The following IL17A variants were observed in gnomAD, a reference collection of about 807,000 sequenced individuals.
The protein encoded by IL17A is interleukin-17A.
A neutral mutation model predicts 7.2 loss-of-function variants in IL17A; 1 was observed. The observed-to-expected ratio is 0.14, with a 90% confidence interval of 0.05 to 0.66. The LOEUF is 0.66. Ranked by LOEUF, IL17A falls within the 30% of genes least tolerant of loss-of-function variation. The pLI, the probability that IL17A is intolerant of heterozygous loss-of-function variation, is 0.84. For missense variants in IL17A, 191 were observed against 197.1 expected, an observed-to-expected ratio of 0.97 and a Z score of 0.18; for synonymous variants, 90 against 77.7, an observed-to-expected ratio of 1.16 and a Z score of -0.83.
chr6:52,189,250 G>A lies in IL17A; in HGVS notation c.426G>A (p.Val142=), dbSNP rs367966439. The change falls in exon 3 of 3, where the codon GTG becomes GTA. Residue 142 remains valine, a synonymous_variant. Transcript: ENST00000648244. ...GGCTGGAGAAGATACTGGTGTCCGTGGGCTGCACCTGTGTCACCCCGATTG... is the reference window on the plus strand; with the variant it reads ...GGCTGGAGAAGATACTGGTGTCCGTAGGCTGCACCTGTGTCACCCCGATTG... ...SFRLEKILVS[V]GCTCVTPIVH... 35 of 1,613,942 alleles carry A rather than the reference G, an allele frequency of 2.2e-5. No homozygotes were observed. The highest frequency in any genetic ancestry group is 2.9e-5 in the Non-Finnish European group (34 of 1,179,980).
In IL17A at chr6:52,187,594, C is replaced by T; in HGVS notation, c.28-9C>T. 1 of 1,609,660 alleles carries T rather than the reference C, an allele frequency of 6.2e-7. No individual in the cohort carries two copies. The highest frequency in any genetic ancestry group is 2.2e-5 in the East Asian group (1 of 44,872). On this transcript the variant is annotated splice_polypyrimidine_tract_variant and intron_variant, in intron 1 of 2. Transcript: ENST00000648244. ...TCCAACCTCTCTCTCCTTTCCCATT[C>T]AATTCTAGTCACTGCTACTGCTGCT...
chr6:52,188,582 C>G (rs557821756), intron 2 of IL17A, among the ~76,000 whole-genome samples: 2 of 152,228 alleles, frequency 1.3e-5, no homozygotes, highest in South Asian at 2.1e-4. Flanking sequence ...GTTTCCAGCC[C>G]TTTATCTCAG....
Position 52,190,243 on chromosome 6 carries a change from A to G in IL17A, c.*951A>G, listed in dbSNP as rs1418066749. ...ATTAGCCAATGCTGTAGACAGAAGC[A>G]TTTTGATAGGAATAGAGCAAATAAG... On this transcript the variant is annotated 3_prime_UTR_variant, in exon 3 of 3. Transcript: ENST00000648244. 6 of 152,242 alleles carry G rather than the reference A, an allele frequency of 3.9e-5. No individual in the cohort carries two copies. The highest frequency in any genetic ancestry group is 5.9e-5 in the Non-Finnish European group (4 of 68,044). The allele number at this position is 152,242 out of a possible 1,614,324, so 9.4% of individuals were successfully genotyped here.
intron 1 of IL17A, 146 bp downstream of exon 1, chr6:52,186,604 T>C (rs1250684640): frequency 2.9e-6 from 2 of 694,932 alleles, no homozygotes; most frequent in Non-Finnish European, 4.8e-6. Context: ...TGGTAGGTAT[T>C]TAAGTCATTG....
At chr6:52,187,542 C>A in intron 1 of IL17A, 61 bp from the exon 2 acceptor site, 1 of 1,328,248 alleles carries the variant, frequency 7.5e-7, no homozygotes, top group Non-Finnish European at 1.1e-6. Context: ...ATTAATTTGT[C>A]AAAAAGAACC....
At chr6:52,187,452 C>T in intron 1 of IL17A, 151 bp from the exon 2 acceptor site, 1 of 718,520 alleles carries the variant, frequency 1.4e-6, no homozygotes, top group Non-Finnish European at 2.4e-6. Context: ...AGATTTTTCT[C>T]TAGCTGATCT....
Position 52,189,426 on chromosome 6 carries a change from A to T in IL17A, c.*134A>T. Reference sequence around the variant, plus strand: ...TTAGAGTTCTTAAGGCAGTTTGTCCAATTAAAGCTTCAGAGGTAACACTTG... The same window carrying T: ...TTAGAGTTCTTAAGGCAGTTTGTCCTATTAAAGCTTCAGAGGTAACACTTG... On this transcript the variant is annotated 3_prime_UTR_variant, in exon 3 of 3. Coordinates refer to ENST00000648244, the MANE Select transcript of IL17A (RefSeq NM_002190.3). 3.2e-6 allele frequency: 2 copies of T among 630,866 alleles called. No homozygotes were observed. Among genetic ancestry groups the T allele is most frequent in the Non-Finnish European group, 5.5e-6 (2 of 366,346 alleles). The allele number at this position is 630,866 out of a possible 1,614,324, so 39.1% of individuals were successfully genotyped here.
At position 52,190,227 on chromosome 6, in the gene IL17A, T is replaced by G. The variant is rs1176515620; in HGVS notation, c.*935T>G. 6.6e-6 allele frequency: 1 copy of G among 152,180 alleles called. No individual in the cohort carries two copies. The highest frequency in any genetic ancestry group is 1.5e-5 in the Non-Finnish European group (1 of 68,036). The allele number at this position is 152,180 out of a possible 1,614,324, so 9.4% of individuals were successfully genotyped here. ...CTAAGGTTTTCATACTATTAGCCAA[T>G]GCTGTAGACAGAAGCATTTTGATAG... On this transcript the variant is annotated 3_prime_UTR_variant, in exon 3 of 3. Coordinates refer to ENST00000648244, the MANE Select transcript of IL17A (RefSeq NM_002190.3).
chr6:52,189,459 T>G lies in IL17A; in HGVS notation c.*167T>G. 1 of 557,864 alleles carries G rather than the reference T, an allele frequency of 1.8e-6. No homozygotes were observed. The highest frequency in any genetic ancestry group is 3.3e-5 in the Admixed American group (1 of 30,082). 34.6% of individuals were successfully genotyped at this position (557,864 alleles called of 1,614,324 possible). ...CTTCAGAGGTAACACTTGGCCAAGA[T>G]ATGAGATCTGAATTACCTTTCCCTC... On this transcript the variant is annotated 3_prime_UTR_variant, in exon 3 of 3. Coordinates refer to ENST00000648244, the MANE Select transcript of IL17A (RefSeq NM_002190.3).
intron 1 of IL17A, among the ~76,000 whole-genome samples, 170 bp from the exon 2 acceptor site, chr6:52,187,433 C>T (rs1175487032): frequency 2.0e-5 from 3 of 152,108 alleles, no homozygotes; most frequent in African/African-American, 2.4e-5. Context: ...TTATGTTGGT[C>T]ATCTACCTAG....
chr6:52,189,539 A>G lies in IL17A; in HGVS notation c.*247A>G, dbSNP rs1763341543. 9 of 407,310 alleles carry G rather than the reference A, an allele frequency of 2.2e-5. 1 individual carries two copies. In the South Asian group the frequency reaches 5.9e-4, roughly 27 times the overall value. 25.2% of individuals were successfully genotyped at this position (407,310 alleles called of 1,614,324 possible). On this transcript the variant is annotated 3_prime_UTR_variant, in exon 3 of 3. Coordinates refer to ENST00000648244, the MANE Select transcript of IL17A (RefSeq NM_002190.3). ...CAATTTGCTTCTTGTTTACTTTTTT[A>G]AGGGCTTTAAGTTATTTATGTATTT...
At chr6:52,186,551 A>G in intron 1 of IL17A, 93 bp downstream of exon 1, 1 of 1,147,100 alleles carries the variant, frequency 8.7e-7, no homozygotes, top group Non-Finnish European at 1.3e-6. Context: ...CTGACTATGG[A>G]GATCCAGGAA....
At chr6:52,187,896 C>A in intron 2 of IL17A, 91 bp downstream of exon 2, 2 of 1,121,486 alleles carry the variant, frequency 1.8e-6, no homozygotes, top group Non-Finnish European at 2.7e-6. Flanking sequence ...TGATTTTATT[C>A]ATTTAGAATT....
intron 1 of IL17A, among the ~76,000 whole-genome samples, chr6:52,187,400 A>T (rs1293146685): frequency 1.3e-5 from 2 of 152,186 alleles, no homozygotes; most frequent in Admixed American, 6.5e-5. Context: ...TTTTAAAAAA[A>T]TTTTAAAGCC....
In IL17A at chr6:52,189,878, G is replaced by A. The variant is rs1763348851; in HGVS notation, c.*586G>A. ...CTTTGTTTTTAAAAGTTATAACATG[G>A]CTGAAAAGAAAGATTAAACCTACTT... On this transcript the variant is annotated 3_prime_UTR_variant, in exon 3 of 3. Coordinates refer to ENST00000648244, the MANE Select transcript of IL17A (RefSeq NM_002190.3). 1 of 152,126 alleles carries A rather than the reference G, an allele frequency of 6.6e-6. No homozygotes were observed. Among genetic ancestry groups the A allele is most frequent in the Non-Finnish European group, 1.5e-5 (1 of 68,028 alleles). The allele number at this position is 152,126 out of a possible 1,614,324, so 9.4% of individuals were successfully genotyped here. A position where few individuals can be genotyped will look rare whatever the true frequency, so the allele number is the denominator to read the frequency against.
At position 52,189,436 on chromosome 6, in the gene IL17A, T is replaced by A; in HGVS notation, c.*144T>A. 1.6e-6 allele frequency: 1 copy of A among 609,842 alleles called. No individual in the cohort carries two copies. The highest frequency in any genetic ancestry group is 2.1e-5 in the South Asian group (1 of 46,640). 37.8% of individuals were successfully genotyped at this position (609,842 alleles called of 1,614,324 possible). ...TAAGGCAGTTTGTCCAATTAAAGCT[T>A]CAGAGGTAACACTTGGCCAAGATAT... On this transcript the variant is annotated 3_prime_UTR_variant, in exon 3 of 3. Transcript: ENST00000648244.
At chr6:52,186,920 T>C (rs1448129829) in intron 1 of IL17A, among the ~76,000 whole-genome samples, 1 of 152,252 alleles carries the variant, frequency 6.6e-6, no homozygotes, top group East Asian at 1.9e-4. Context: ...AACATAGGTA[T>C]AACTGTGTTT....
At position 52,189,892 on chromosome 6, in the gene IL17A, T is replaced by C. The variant is rs981177104; in HGVS notation, c.*600T>C. 6.6e-6 allele frequency: 1 copy of C among 152,214 alleles called. No homozygotes were observed. The allele number at this position is 152,214 out of a possible 1,614,324, so 9.4% of individuals were successfully genotyped here. ...GTTATAACATGGCTGAAAAGAAAGA[T>C]TAAACCTACTTTCATATGTATTAAT... On this transcript the variant is annotated 3_prime_UTR_variant, in exon 3 of 3. Coordinates refer to ENST00000648244, the MANE Select transcript of IL17A (RefSeq NM_002190.3).
chr6:52,189,433 G>T lies in IL17A; in HGVS notation c.*141G>T. 1.6e-6 allele frequency: 1 copy of T among 612,320 alleles called. No individual in the cohort carries two copies. Among genetic ancestry groups the T allele is most frequent in the South Asian group, 2.1e-5 (1 of 46,762 alleles). 37.9% of individuals were successfully genotyped at this position (612,320 alleles called of 1,614,324 possible). On this transcript the variant is annotated 3_prime_UTR_variant, in exon 3 of 3. Coordinates refer to ENST00000648244, the MANE Select transcript of IL17A (RefSeq NM_002190.3). ...TCTTAAGGCAGTTTGTCCAATTAAA[G>T]CTTCAGAGGTAACACTTGGCCAAGA... is the stretch of plus-strand genomic sequence containing the variant.
Sources: allele counts gnomAD v4.1 joint callset (sites outside exome capture counted in the v4.1 genomes callset), GRCh38; gene constraint gnomAD v4.1.1; transcripts MANE v1.5; gene names NCBI Gene and HGNC (gene_info 2026-07-23, HGNC 2026-07-21).